CYP4F22: variants seen among roughly 807,000 people sequenced by gnomAD.
CYP4F22 encodes the protein ultra-long-chain fatty acid omega-hydroxylase.
A neutral mutation model predicts 60.4 loss-of-function variants in CYP4F22; 37 were observed. That is an observed-to-expected ratio of 0.61 (90% CI 0.47 to 0.81). The LOEUF is 0.81. Among genes scored for constraint, CYP4F22 ranks in the 30% least tolerant of loss-of-function variants. The pLI is 0.00. For synonymous variants in CYP4F22, 258 were observed against 280.5 expected (o/e 0.92, Z 0.80); for missense variants, 655 against 715.0 (o/e 0.92, Z 0.96).
Position 15,517,245 on chromosome 19 carries a change from A to G in CYP4F22, c.-108-6448A>G, listed in dbSNP as rs115129888. On this transcript the variant is annotated intron_variant, in intron 1 of 13. Transcript: ENST00000269703. ...CTGTGGAAAGTATAGGACTTCCCCAATGTACCTTTCATGGTGGTCTTCCCA... is the reference window on the plus strand; with the variant it reads ...CTGTGGAAAGTATAGGACTTCCCCAGTGTACCTTTCATGGTGGTCTTCCCA... 2.8e-3 allele frequency among the ~76,000 whole-genome samples: 429 copies of G among 152,262 alleles called. 2 individuals carry two copies. Among genetic ancestry groups the G allele is most frequent in the African/African-American group, 1.0e-2 (415 of 41,562 alleles).
In CYP4F22 at chr19:15,537,986, T is replaced by C. The variant is rs531670218; in HGVS notation, c.664T>C (p.Cys222Arg). Residue 222 changes from cysteine to arginine, a missense_variant, in exon 7 of 14, where the codon TGC (cysteine) becomes CGC (arginine). Cys to Arg is a radical substitution (Grantham distance 180). Transcript: ENST00000269703. ...QKCVFSYNSN[C>R]QEKMSDYISA... ...ATGTGTCTTCAGCTACAACAGCAAC[T>C]GCCAAGAGTGAGTGTGACCCTTCTT... The C allele has an allele frequency of 6.2e-7, 1 of 1,614,072 alleles. No homozygotes were observed. The highest frequency in any genetic ancestry group is 1.1e-5 in the South Asian group (1 of 91,072).
intron 1 of CYP4F22, among the ~76,000 whole-genome samples, chr19:15,518,263 A>G (rs1971177658): frequency 6.6e-6 from 1 of 151,956 alleles, no homozygotes; most frequent in Non-Finnish European, 1.5e-5. Flanking sequence ...CTGGAGCTCA[A>G]GAGTTTGTGG....
chr19:15,551,833 TGCCCACTGA>T lies in CYP4F22; in HGVS notation c.*366_*374del. ...CCTGCAGATCCAGGTCTCCAGGCCT[TGCCCACTGA>T]GCCTTCAGAGGACCTAAGACCCACC... On this transcript the variant is annotated 3_prime_UTR_variant, in exon 14 of 14. Transcript: ENST00000269703. The T allele has an allele frequency of 3.0e-6, 1 of 337,536 alleles. No homozygotes were observed. The highest frequency in any genetic ancestry group is 5.6e-6 in the Non-Finnish European group (1 of 178,140). 20.9% of individuals were successfully genotyped at this position (337,536 alleles called of 1,614,324 possible). A position where few individuals can be genotyped will look rare whatever the true frequency, so the allele number is the denominator to read the frequency against.
intron 10 of CYP4F22, among the ~76,000 whole-genome samples, chr19:15,544,783 G>A (rs987404882): frequency 2.6e-5 from 4 of 152,152 alleles, no homozygotes; most frequent in East Asian, 1.9e-4. Flanking sequence ...TGCTTGGGCC[G>A]GGTGGGGTGG....
At chr19:15,525,185 T>C in intron 2 of CYP4F22, 151 bp from the exon 3 acceptor site, 1 of 761,918 alleles carries the variant, frequency 1.3e-6, no homozygotes, top group East Asian at 2.7e-5. Flanking sequence ...GTCCAGCTGG[T>C]TGGAGATCAT....
chr19:15,510,967 T>TATATATATA (rs374989279), intron 1 of CYP4F22, among the ~76,000 whole-genome samples: 10 of 52,732 alleles, frequency 1.9e-4, no homozygotes, highest in African/African-American at 9.2e-4. Context: ...TATATATATA[T>TATATATATA]TTTTTTTTTT....
At chr19:15,519,146 G>A (rs1198537282) in intron 1 of CYP4F22, among the ~76,000 whole-genome samples, 1 of 152,134 alleles carries the variant, frequency 6.6e-6, no homozygotes, top group Non-Finnish European at 1.5e-5. Flanking sequence ...AACCACGGGA[G>A]GGGTGAGATC....
Position 15,540,619 on chromosome 19 carries a change from G to A in CYP4F22, c.841G>A (p.Glu281Lys). Reference protein sequence around the residue: ...VHHFTTEVIQERRRALRQQGA... With the variant: ...VHHFTTEVIQKRRRALRQQGA... ...CCACTTCACCACTGAAGTCATCCAG[G>A]AACGGCGGCGGGCACTGCGTCAGCA... Residue 281 changes from glutamate (E) to lysine (K), a missense_variant, in exon 8 of 14, where the codon GAA becomes AAA. By Grantham distance (56) the Glu-to-Lys change is moderately conservative. Around this residue, in one of 3 missense-constraint regions of CYP4F22, gnomAD observed 430 missense variants for 457.1 expected, o/e 0.94. Coordinates refer to ENST00000269703, the MANE Select transcript of CYP4F22 (RefSeq NM_173483.4). 6.2e-7 allele frequency: 1 copy of A among 1,614,224 alleles called. No homozygotes were observed. The highest frequency in any genetic ancestry group is 1.1e-5 in the South Asian group (1 of 91,082).
chr19:15,551,516 C>G lies in CYP4F22; in HGVS notation c.*45C>G. The G allele has an allele frequency of 1.3e-6, 2 of 1,538,598 alleles. No individual in the cohort carries two copies. Among genetic ancestry groups the G allele is most frequent in the East Asian group, 2.5e-5 (1 of 40,768 alleles). On this transcript the variant is annotated 3_prime_UTR_variant, in exon 14 of 14. Transcript: ENST00000269703. ...GCTCCCGAGGGTCCAGGCCCCGCCC[C>G]CAAAGGACCAGGACTCGCCCCAAAG...
At chr19:15,527,420 C>T (rs894853421) in intron 3 of CYP4F22, among the ~76,000 whole-genome samples, 4 of 152,228 alleles carry the variant, frequency 2.6e-5, no homozygotes, top group African/African-American at 9.6e-5. Context: ...TTTCCCAAAA[C>T]TGTACTCTCT....
chr19:15,516,385 T>G (rs1022919937), intron 1 of CYP4F22, among the ~76,000 whole-genome samples: 1 of 152,214 alleles, frequency 6.6e-6, no homozygotes, highest in African/African-American at 2.4e-5. Flanking sequence ...AGTTTTAAAT[T>G]ATTAGCCAGT....
At chr19:15,520,022 C>T (rs996841747) in intron 1 of CYP4F22, among the ~76,000 whole-genome samples, 7 of 152,172 alleles carry the variant, frequency 4.6e-5, no homozygotes, top group Non-Finnish European at 7.4e-5. Context: ...TGTGTGTGTG[C>T]GCGTGCACAA....
intron 2 of CYP4F22, 122 bp from the exon 3 acceptor site, chr19:15,525,214 T>C: frequency 3.3e-6 from 3 of 898,338 alleles, no homozygotes; most frequent in South Asian, 2.9e-5. Context: ...GATGAAGAGG[T>C]ATCCTTGGTG....
chr19:15,509,765 C>T (rs73929921), intron 1 of CYP4F22, among the ~76,000 whole-genome samples: 5,198 of 152,122 alleles, frequency 0.034, 304 homozygotes, highest in African/African-American at 0.12. Flanking sequence ...GTAACATTAA[C>T]TCTGGCCTGG....
At chr19:15,546,592 G>A (rs1313247952) in intron 10 of CYP4F22, among the ~76,000 whole-genome samples, 4 of 151,902 alleles carry the variant, frequency 2.6e-5, no homozygotes, top group Admixed American at 1.3e-4. Flanking sequence ...AAAAAAGAAA[G>A]AGAACCTGCT....
intron 4 of CYP4F22, among the ~76,000 whole-genome samples, chr19:15,535,131 TC>T (rs1971381770): frequency 6.6e-6 from 1 of 152,188 alleles, no homozygotes. Flanking sequence ...ACTCCTGCTT[TC>T]CTCTTCAATG....
In CYP4F22 at chr19:15,540,636, G is replaced by C; in HGVS notation, c.858G>C (p.Leu286=). 2 of 1,614,258 alleles carry C rather than the reference G, an allele frequency of 1.2e-6. No homozygotes were observed. Among genetic ancestry groups the C allele is most frequent in the South Asian group, 2.2e-5 (2 of 91,092 alleles). Residue 286 remains leucine (L), a synonymous_variant, in exon 8 of 14, where the codon CTG becomes CTC. Coordinates refer to ENST00000269703, the MANE Select transcript of CYP4F22 (RefSeq NM_173483.4). ...TCATCCAGGAACGGCGGCGGGCACT[G>C]CGTCAGCAGGGGGCCGAGGCCTGGC... The part of the protein sequence containing the change: ...TEVIQERRRA[L]RQQGAEAWLK...
chr19:15,520,071 G>T (rs561047573), intron 1 of CYP4F22, among the ~76,000 whole-genome samples: 14 of 152,274 alleles, frequency 9.2e-5, no homozygotes, highest in African/African-American at 3.4e-4. Flanking sequence ...TCAGCCCGGC[G>T]TGGTGGCTCA....
intron 6 of CYP4F22, 26 bp downstream of exon 6, chr19:15,537,688 AG>A: frequency 6.2e-7 from 1 of 1,609,602 alleles, no homozygotes; most frequent in Non-Finnish European, 8.5e-7. Context: ...TTGAGGGAAG[AG>A]GGTGTCTTGG....
Sources: gnomAD v4.1 joint callset for allele counts (sites outside exome capture counted in the v4.1 genomes callset) on GRCh38, gnomAD v4.1.1 for gene constraint, gnomAD v4.1.1 regional missense constraint, MANE v1.5 for transcripts, NCBI Gene and HGNC (gene_info 2026-07-23, HGNC 2026-07-21) for gene names.